LAT: variants seen among roughly 807,000 people sequenced by gnomAD.
LAT encodes linker for activation of T cells, also known as linker for activation of T-cells family member 1.
LAT carries 12 observed loss-of-function variants against 39.1 expected under a neutral mutation model. The ratio of observed to expected loss-of-function variants is 0.31; its 90% confidence interval spans 0.20 to 0.50. The LOEUF (loss-of-function observed/expected upper bound fraction) is 0.50. Ranked by LOEUF, LAT falls within the 20% of genes least tolerant of loss-of-function variation. The pLI, the probability that LAT is intolerant of heterozygous loss-of-function variation, is 0.98. For synonymous variants in LAT, 117 were observed against 123.8 expected, an observed-to-expected ratio of 0.95 and a Z score of 0.36; for missense variants, 253 against 308.0, an observed-to-expected ratio of 0.82 and a Z score of 1.34.
rs1965727889 is a variant in LAT at position 28,985,599 on chromosome 16, C to G, written c.100+82C>G. 6.2e-7 allele frequency: 1 copy of G among 1,602,848 alleles called. No homozygotes were observed. The highest frequency in any genetic ancestry group is 1.3e-5 in the African/African-American group (1 of 74,696). ...TCCACTCCCAGCCCCTGTGTCTGTC[C>G]TGGCTCTGTCCCTGCCTCCGTCCTG... is the stretch of plus-strand genomic sequence containing the variant. On this transcript the variant is annotated intron_variant, in intron 1 of 11. Transcript: ENST00000395456. This position sits in a 1 kb window ranked among gnomAD's most constrained non-coding sequence, Gnocchi z 4.6.
At position 28,985,532 on chromosome 16, in the gene LAT, G is replaced by GGT. The variant is rs759054406; in HGVS notation, c.100+17_100+18dup. 6.2e-7 allele frequency: 1 copy of GGT among 1,612,038 alleles called. No homozygotes were observed. Among genetic ancestry groups the GGT allele is most frequent in the Non-Finnish European group, 8.5e-7 (1 of 1,178,916 alleles). ...CAGACTGCCAGGTGAGTGGGAAACT[G>GGT]GTGGGGGTACCCAGGGCCCAGGGAC... On this transcript the variant is annotated intron_variant, in intron 1 of 11. Coordinates refer to ENST00000395456, the MANE Select transcript of LAT (RefSeq NM_001014987.2). This position sits in a 1 kb window ranked among gnomAD's most constrained non-coding sequence, Gnocchi z 4.6.
In LAT at chr16:28,986,339, C is replaced by A. The variant is rs780431310; in HGVS notation, c.246-43C>A. 3.7e-6 allele frequency: 6 copies of A among 1,607,680 alleles called. No individual in the cohort carries two copies. The highest frequency in any genetic ancestry group is 5.1e-6 in the Non-Finnish European group (6 of 1,175,548). ...TCCCTTTTGCAACTGCTGTTGCCCC[C>A]TGAGCCCCACCTCAGGCATGACCCC... On this transcript the variant is annotated intron_variant, in intron 4 of 11. Transcript: ENST00000395456. The surrounding 1 kb of genome is among the most constrained non-coding windows in gnomAD (Gnocchi z 5.7).
chr16:28,986,121 T>C lies in LAT; in HGVS notation c.164-14T>C. ...GTCCGGAGTCCTTCTTTCAACTTGG[T>C]TCTGTGTCCTCAGACACGGTTGCCC... On this transcript the variant is annotated splice_polypyrimidine_tract_variant and intron_variant, in intron 3 of 11. Coordinates refer to ENST00000395456, the MANE Select transcript of LAT (RefSeq NM_001014987.2). The surrounding 1 kb of genome is among the most constrained non-coding windows in gnomAD (Gnocchi z 5.7). The C allele has an allele frequency of 1.9e-6, 3 of 1,585,640 alleles. No individual in the cohort carries two copies. Among genetic ancestry groups the C allele is most frequent in the South Asian group, 2.3e-5 (2 of 86,452 alleles).
rs773311118 is a variant in LAT, at chr16:28,986,471, G to A, written c.310+25G>A. 26 of 1,613,528 alleles carry A rather than the reference G, an allele frequency of 1.6e-5. No individual in the cohort carries two copies. The highest frequency in any genetic ancestry group is 2.2e-5 in the South Asian group (2 of 91,064). On this transcript the variant is annotated intron_variant, in intron 5 of 11. Coordinates refer to ENST00000395456, the MANE Select transcript of LAT (RefSeq NM_001014987.2). The surrounding 1 kb of genome is among the most constrained non-coding windows in gnomAD (Gnocchi z 5.7). Reference sequence around the variant, plus strand: ...GGTAAGTGTGGGGAAGGGTTCAGGCGGCGGGGGCTGGGAAGAAGATAGGCC... The same window carrying A: ...GGTAAGTGTGGGGAAGGGTTCAGGCAGCGGGGGCTGGGAAGAAGATAGGCC...
At position 28,986,806 on chromosome 16, in the gene LAT, C is replaced by A; in HGVS notation, c.406C>A (p.Leu136Ile). The change falls in exon 8 of 12, where the codon CTT (leucine) becomes ATT (isoleucine). Residue 136 changes from leucine to isoleucine, a missense_variant. Coordinates refer to ENST00000395456, the MANE Select transcript of LAT (RefSeq NM_001014987.2). The surrounding 1 kb of genome is among the most constrained non-coding windows in gnomAD (Gnocchi z 5.7). ...CTTTTCACTTCCTTTCAGGGTGGTGCTTCCTGACAGCACCCCGGCCACTAG... is the reference window on the plus strand; with the variant it reads ...CTTTTCACTTCCTTTCAGGGTGGTGATTCCTGACAGCACCCCGGCCACTAG... ...DYHNPGYLVV[L>I]PDSTPATSTA... The A allele has an allele frequency of 6.2e-7, 1 of 1,613,888 alleles. No individual in the cohort carries two copies. The highest frequency in any genetic ancestry group is 1.3e-5 in the African/African-American group (1 of 75,044).
In LAT at chr16:28,986,139, G is replaced by A. The variant is rs754929840; in HGVS notation, c.168G>A (p.Thr56=). 2.3e-5 allele frequency: 37 copies of A among 1,594,296 alleles called. 1 individual carries two copies. Among genetic ancestry groups the A allele is most frequent in the African/African-American group, 9.4e-5 (7 of 74,328 alleles). ...AACTTGGTTCTGTGTCCTCAGACAC[G>A]GTTGCCCCCTGGCCACCTGCCTACC... is the stretch of plus-strand genomic sequence containing the variant. ...PRGIQFKRPH[T]VAPWPPAYPP... The change falls in exon 4 of 12, where the codon ACG becomes ACA. Residue 56 remains threonine (T), a synonymous_variant. Coordinates refer to ENST00000395456, the MANE Select transcript of LAT (RefSeq NM_001014987.2). This position sits in a 1 kb window ranked among gnomAD's most constrained non-coding sequence, Gnocchi z 5.7.
In LAT at chr16:28,989,938, C is replaced by T; in HGVS notation, c.628C>T (p.Leu210=). The change falls in exon 11 of 12, where the codon CTG becomes TTG. Residue 210 remains leucine, a synonymous_variant. Transcript: ENST00000395456. The part of the protein sequence containing the change: ...PGAAKTEPAA[L]SSQEAEEVEE... ...CAACCTCCCCTCCCTTACAGCCGCC[C>T]TGAGTTCCCAGGAGGCAGAGGAAGT... is the stretch of plus-strand genomic sequence containing the variant. 3 of 1,613,960 alleles carry T rather than the reference C, an allele frequency of 1.9e-6. No homozygotes were observed. The highest frequency in any genetic ancestry group is 2.5e-6 in the Non-Finnish European group (3 of 1,179,954).
chr16:28,990,333 C>A lies in LAT; in HGVS notation c.*152C>A. On this transcript the variant is annotated 3_prime_UTR_variant, in exon 12 of 12. Transcript: ENST00000395456. ...GAAATCCCCCCGTAACTTATTATCA[C>A]TTTGGGGTTCGGCCTGTGTCCCCCG... The A allele has an allele frequency of 1.8e-6, 1 of 567,148 alleles. No individual in the cohort carries two copies. The highest frequency in any genetic ancestry group is 3.3e-6 in the Non-Finnish European group (1 of 300,602). 35.1% of individuals were successfully genotyped at this position (567,148 alleles called of 1,614,324 possible).
At chr16:28,989,686 T>G (rs1224282963) in intron 9 of LAT, 88 bp from the exon 10 acceptor site, 1 of 1,584,006 alleles carries the variant, frequency 6.3e-7, no homozygotes, top group Non-Finnish European at 8.7e-7. Context: ...ACCCACACCC[T>G]CTGCCCCCTC....
Position 28,989,599 on chromosome 16 carries a change from C to T in LAT, c.556+10C>T, listed in dbSNP as rs199917933. 4.4e-5 allele frequency: 70 copies of T among 1,604,124 alleles called. No homozygotes were observed. In the Middle Eastern group the frequency reaches 1.2e-3, roughly 27 times the overall value. ...GCAGAAGCGTCTCTGGGTGAGTGAC[C>T]GGTGCTTGTCGGTGCCTGCCCCTGC... On this transcript the variant is annotated intron_variant, in intron 9 of 11. Coordinates refer to ENST00000395456, the MANE Select transcript of LAT (RefSeq NM_001014987.2).
Position 28,985,975 on chromosome 16 carries a change from G to A in LAT, c.163+87G>A. ...GAGCGTGAACCTTCAGACTTCCCCT[G>A]CCACCTTGGGGCTGCCCACATGGCC... On this transcript the variant is annotated intron_variant, in intron 3 of 11. Coordinates refer to ENST00000395456, the MANE Select transcript of LAT (RefSeq NM_001014987.2). This position sits in a 1 kb window ranked among gnomAD's most constrained non-coding sequence, Gnocchi z 4.6. The A allele has an allele frequency of 2.0e-6, 3 of 1,512,928 alleles. No individual in the cohort carries two copies. The highest frequency in any genetic ancestry group is 2.8e-6 in the Non-Finnish European group (3 of 1,088,354). The allele number at this position is 1,512,928 out of a possible 1,614,324, so 93.7% of individuals were successfully genotyped here.
chr16:28,990,013 G>C lies in LAT; in HGVS notation c.*1G>C. On this transcript the variant is annotated 3_prime_UTR_variant, in exon 11 of 12. Transcript: ENST00000395456. ...CGAGAATCTGCAGGAGCTGAACTGA[G>C]GGCCTGGTGAGAGGCCTGCCCTGTC... 1 of 1,612,678 alleles carries C rather than the reference G, an allele frequency of 6.2e-7. No homozygotes were observed.
rs748026823 is a variant in LAT, at chr16:28,986,767, C to T, written c.399-32C>T. On this transcript the variant is annotated intron_variant, in intron 7 of 11. Coordinates refer to ENST00000395456, the MANE Select transcript of LAT (RefSeq NM_001014987.2). This position sits in a 1 kb window ranked among gnomAD's most constrained non-coding sequence, Gnocchi z 5.7. ...TGAGGGCTGAGGCTGTGCGTCCCCC[C>T]TTGCTCACCGGCCCTTTTCACTTCC... 6.2e-7 allele frequency: 1 copy of T among 1,611,040 alleles called. No individual in the cohort carries two copies. The highest frequency in any genetic ancestry group is 2.2e-5 in the East Asian group (1 of 44,834).
rs748653729 is a variant in LAT, at chr16:28,986,463, G to T, written c.310+17G>T. 6.2e-7 allele frequency: 1 copy of T among 1,613,848 alleles called. No individual in the cohort carries two copies. Among genetic ancestry groups the T allele is most frequent in the Non-Finnish European group, 8.5e-7 (1 of 1,179,874 alleles). On this transcript the variant is annotated intron_variant, in intron 5 of 11. Coordinates refer to ENST00000395456, the MANE Select transcript of LAT (RefSeq NM_001014987.2). The surrounding 1 kb of genome is among the most constrained non-coding windows in gnomAD (Gnocchi z 5.7). ...CTGATGGTGGTAAGTGTGGGGAAGG[G>T]TTCAGGCGGCGGGGGCTGGGAAGAA...
chr16:28,985,191 G>A lies in LAT; in HGVS notation c.-227G>A. On this transcript the variant is annotated 5_prime_UTR_variant, in exon 1 of 12. Coordinates refer to ENST00000395456, the MANE Select transcript of LAT (RefSeq NM_001014987.2). This position sits in a 1 kb window ranked among gnomAD's most constrained non-coding sequence, Gnocchi z 4.6. ...CTGGTCTGACCACCCTGGGAGCAGG[G>A]ACTTTCCACAGTCAGCTGGACGCAC... 3 of 1,430,140 alleles carry A rather than the reference G, an allele frequency of 2.1e-6. No homozygotes were observed. The highest frequency in any genetic ancestry group is 2.7e-6 in the Non-Finnish European group (3 of 1,096,638). The allele number at this position is 1,430,140 out of a possible 1,614,324, so 88.6% of individuals were successfully genotyped here.
In LAT at chr16:28,989,831, C is replaced by G; in HGVS notation, c.614C>G (p.Thr205Ser). Residue 205 changes from threonine (T) to serine (S), a missense_variant, in exon 10 of 12, where the codon ACT (threonine) becomes AGT (serine). Coordinates refer to ENST00000395456, the MANE Select transcript of LAT (RefSeq NM_001014987.2). ...SQELHPGAAKTEPAALSSQEA... is the reference protein window; with the variant it reads ...SQELHPGAAKSEPAALSSQEA... ...GAACTGCATCCTGGAGCGGCTAAGA[C>G]TGAGCCTGGTGTGTTCTGCGGGAGG... 1 of 1,614,148 alleles carries G rather than the reference C, an allele frequency of 6.2e-7. No homozygotes were observed. The highest frequency in any genetic ancestry group is 8.5e-7 in the Non-Finnish European group (1 of 1,180,016).
At chr16:28,990,162 A>G in intron 11 of LAT, 27 bp from the exon 12 acceptor site, 1 of 737,202 alleles carries the variant, frequency 1.4e-6, no homozygotes, top group Non-Finnish European at 2.4e-6. Context: ...CCTGATCCGT[A>G]TCCCTCCCTG....
At chr16:28,990,158 C>G (rs1251928594) in intron 11 of LAT, 31 bp from the exon 12 acceptor site, 2 of 740,824 alleles carry the variant, frequency 2.7e-6, no homozygotes, top group Non-Finnish European at 4.8e-6. Flanking sequence ...GCCTCCTGAT[C>G]CGTATCCCTC....
At position 28,986,057 on chromosome 16, in the gene LAT, C is replaced by A; in HGVS notation, c.164-78C>A. On this transcript the variant is annotated intron_variant, in intron 3 of 11. Coordinates refer to ENST00000395456, the MANE Select transcript of LAT (RefSeq NM_001014987.2). The surrounding 1 kb of genome is among the most constrained non-coding windows in gnomAD (Gnocchi z 5.7). The stretch of plus-strand genomic sequence containing the variant: ...CCCCAGGCCTGTCCAGGGTGTGGGG[C>A]TTTCAGGGGCTTAGTCTGTTCTTTG... 1 of 1,398,168 alleles carries A rather than the reference C, an allele frequency of 7.2e-7. No homozygotes were observed. Among genetic ancestry groups the A allele is most frequent in the Non-Finnish European group, 1.0e-6 (1 of 996,254 alleles). 86.6% of individuals were successfully genotyped at this position (1,398,168 alleles called of 1,614,324 possible). A position where few individuals can be genotyped will look rare whatever the true frequency, so the allele number is the denominator to read the frequency against.
Sources: allele counts gnomAD v4.1 joint callset, GRCh38; gene constraint gnomAD v4.1.1; non-coding constraint Gnocchi (gnomAD v3.1); transcripts MANE v1.5; gene names NCBI Gene and HGNC (gene_info 2026-07-23, HGNC 2026-07-21).